Variants in CHST2 observed in about 807,000 individuals in gnomAD.
CHST2 encodes N-acetylglucosamine 6-O-sulfotransferase 1.
A neutral mutation model predicts 34.6 loss-of-function variants in CHST2; 23 were observed. That is an observed-to-expected ratio of 0.67 (90% CI 0.48 to 0.94). The LOEUF (loss-of-function observed/expected upper bound fraction) is 0.94. Among genes scored for constraint, CHST2 ranks in the 40% least tolerant of loss-of-function variants. The pLI, the probability that CHST2 is intolerant of heterozygous loss-of-function variation, is 0.00. For missense variants in CHST2, 720 were observed against 759.5 expected (o/e 0.95, Z 0.61); for synonymous variants, 392 against 343.1 (o/e 1.14, Z -1.58).
rs1936202362 is a variant in CHST2, at chr3:143,120,939, G to T, written c.123G>T (p.Trp41Cys). The change falls in exon 2 of 2, where the codon TGG becomes TGT. Residue 41 changes from tryptophan to cysteine, a missense_variant. Around this residue, in one of 4 missense-constraint regions of CHST2, gnomAD observed 287 missense variants for 242.7 expected, o/e 1.18. Coordinates refer to ENST00000309575, the MANE Select transcript of CHST2 (RefSeq NM_004267.5). This position sits in a 1 kb window ranked among gnomAD's most constrained non-coding sequence, Gnocchi z 4.1. ...GGCCCCGGCGCCCAGGACGCCGCTG[G>T]CCCGCGTCCCCTCTCGGAATGAAGG... ...PQWPRRPGRR[W>C]PASPLGMKVF... 12 of 1,530,986 alleles carry T rather than the reference G, an allele frequency of 7.8e-6. 1 individual carries two copies. Among genetic ancestry groups the T allele is most frequent in the South Asian group, 7.3e-5 (6 of 81,650 alleles). 94.8% of individuals were successfully genotyped at this position (1,530,986 alleles called of 1,614,324 possible). A position where few individuals can be genotyped will look rare whatever the true frequency, so the allele number is the denominator to read the frequency against.
Position 143,121,018 on chromosome 3 carries a change from C to G in CHST2, c.202C>G (p.Leu68Val). ...LCAGYALLLVLTMLNLLDYKW... is the reference protein window; with the variant it reads ...LCAGYALLLVVTMLNLLDYKW... ...CGCGGGCTATGCACTGCTGCTGGTG[C>G]TCACTATGCTCAACCTCCTGGACTA... Residue 68 changes from leucine to valine, a missense_variant, in exon 2 of 2, where the codon CTC becomes GTC. Physicochemically the swap from Leu to Val is conservative, Grantham distance 32 (BLOSUM62 1). Coordinates refer to ENST00000309575, the MANE Select transcript of CHST2 (RefSeq NM_004267.5). 1.3e-6 allele frequency: 2 copies of G among 1,536,842 alleles called. No homozygotes were observed. Among genetic ancestry groups the G allele is most frequent in the Non-Finnish European group, 8.8e-7 (1 of 1,142,318 alleles).
Position 143,122,486 on chromosome 3 carries a change from C to A in CHST2, c.*77C>A. ...CGTAGTGTGTTTAAATAAACACAGTCCAGACTCAAACGGAGGAAGCCCACA... is the reference window on the plus strand; with the variant it reads ...CGTAGTGTGTTTAAATAAACACAGTACAGACTCAAACGGAGGAAGCCCACA... On this transcript the variant is annotated 3_prime_UTR_variant, in exon 2 of 2. Coordinates refer to ENST00000309575, the MANE Select transcript of CHST2 (RefSeq NM_004267.5). The A allele has an allele frequency of 2.2e-6, 3 of 1,372,332 alleles. No individual in the cohort carries two copies. Among genetic ancestry groups the A allele is most frequent in the Non-Finnish European group, 2.9e-6 (3 of 1,029,192 alleles). 85.0% of individuals were successfully genotyped at this position (1,372,332 alleles called of 1,614,324 possible). A position where few individuals can be genotyped will look rare whatever the true frequency, so the allele number is the denominator to read the frequency against.
Position 143,122,497 on chromosome 3 carries a change from C to T in CHST2, c.*88C>T. 7.7e-7 allele frequency: 1 copy of T among 1,293,754 alleles called. No individual in the cohort carries two copies. The highest frequency in any genetic ancestry group is 1.0e-6 in the Non-Finnish European group (1 of 960,750). The allele number at this position is 1,293,754 out of a possible 1,614,324, so 80.1% of individuals were successfully genotyped here. A position where few individuals can be genotyped will look rare whatever the true frequency, so the allele number is the denominator to read the frequency against. On this transcript the variant is annotated 3_prime_UTR_variant, in exon 2 of 2. Transcript: ENST00000309575. Reference sequence around the variant, plus strand: ...TAAATAAACACAGTCCAGACTCAAACGGAGGAAGCCCACATATTCTATTAT... The same window carrying T: ...TAAATAAACACAGTCCAGACTCAAATGGAGGAAGCCCACATATTCTATTAT...
In CHST2 at chr3:143,120,803, G is replaced by A; in HGVS notation, c.-14G>A. ...GCTGCCTCCGCCGCGCCGCCGGCCC[G>A]GATTGTGCCTGTGATGAGCCGCAGC... On this transcript the variant is annotated 5_prime_UTR_variant, in exon 2 of 2. Transcript: ENST00000309575. The surrounding 1 kb of genome is among the most constrained non-coding windows in gnomAD (Gnocchi z 4.1). 1 of 1,243,250 alleles carries A rather than the reference G, an allele frequency of 8.0e-7. No individual in the cohort carries two copies. The highest frequency in any genetic ancestry group is 1.6e-5 in the African/African-American group (1 of 63,422). 77.0% of individuals were successfully genotyped at this position (1,243,250 alleles called of 1,614,324 possible).
In CHST2 at chr3:143,120,630, G is replaced by T. The variant is rs969307535; in HGVS notation, c.-173-14G>T. On this transcript the variant is annotated splice_polypyrimidine_tract_variant and intron_variant, in intron 1 of 1. Coordinates refer to ENST00000309575, the MANE Select transcript of CHST2 (RefSeq NM_004267.5). This position sits in a 1 kb window ranked among gnomAD's most constrained non-coding sequence, Gnocchi z 4.1. ...AGATTGGGGCGCATCCGCTCACTCC[G>T]CTTCCCCTCGCAGGTCCTACCCGGA... 8.0e-6 allele frequency: 3 copies of T among 373,582 alleles called. No homozygotes were observed. The highest frequency in any genetic ancestry group is 8.7e-6 in the Non-Finnish European group (2 of 228,830). 23.1% of individuals were successfully genotyped at this position (373,582 alleles called of 1,614,324 possible).
In CHST2 at chr3:143,120,677, G is replaced by C. The variant is rs1936196582; in HGVS notation, c.-140G>C. The C allele has an allele frequency of 1.3e-6, 1 of 771,080 alleles. No individual in the cohort carries two copies. The highest frequency in any genetic ancestry group is 1.7e-6 in the Non-Finnish European group (1 of 588,416). The allele number at this position is 771,080 out of a possible 1,614,324, so 47.8% of individuals were successfully genotyped here. A position where few individuals can be genotyped will look rare whatever the true frequency, so the allele number is the denominator to read the frequency against. ...CGGAGCCGCTGCCATGGGAGAGCCA[G>C]CCTTGGGCGCTGGGGACCAGCCGCC... On this transcript the variant is annotated 5_prime_UTR_variant, in exon 2 of 2. Coordinates refer to ENST00000309575, the MANE Select transcript of CHST2 (RefSeq NM_004267.5). The surrounding 1 kb of genome is among the most constrained non-coding windows in gnomAD (Gnocchi z 4.1).
chr3:143,121,130 G>A lies in CHST2; in HGVS notation c.314G>A (p.Arg105His). 6.8e-7 allele frequency: 1 copy of A among 1,463,398 alleles called. No individual in the cohort carries two copies. Among genetic ancestry groups the A allele is most frequent in the Non-Finnish European group, 8.9e-7 (1 of 1,117,860 alleles). 90.7% of individuals were successfully genotyped at this position (1,463,398 alleles called of 1,614,324 possible). Residue 105 changes from arginine to histidine, a missense_variant, in exon 2 of 2, where the codon CGC (arginine) becomes CAC (histidine). Transcript: ENST00000309575. ...AAGAAGGSWG[R>H]PGPPPAGPPR... is the part of the protein sequence containing the mutation. ...GGGGCAGCCGGAGGCAGCTGGGGGCGCCCAGGGCCGCCTCCGGCCGGGCCG... is the reference window on the plus strand; with the variant it reads ...GGGGCAGCCGGAGGCAGCTGGGGGCACCCAGGGCCGCCTCCGGCCGGGCCG...
rs1936201422 is a variant in CHST2 at position 143,120,914 on chromosome 3, G to A, written c.98G>A (p.Trp33Ter). ...GCGCCGCGTGCCCTGCTCCCGCAGTGGCCCCGGCGCCCAGGACGCCGCTGG... is the reference window on the plus strand; with the variant it reads ...GCGCCGCGTGCCCTGCTCCCGCAGTAGCCCCGGCGCCCAGGACGCCGCTGG... ...AAAPRALLPQ[W>*]PRRPGRRWPA... The change falls in exon 2 of 2, where the codon TGG (tryptophan) becomes TAG (stop). Residue 33 changes from tryptophan to a stop codon, truncating the protein, a stop_gained. Transcript: ENST00000309575. LOFTEE classifies it high-confidence loss of function. The surrounding 1 kb of genome is among the most constrained non-coding windows in gnomAD (Gnocchi z 4.1). The A allele has an allele frequency of 6.6e-7, 1 of 1,509,216 alleles. No individual in the cohort carries two copies. The highest frequency in any genetic ancestry group is 8.8e-7 in the Non-Finnish European group (1 of 1,129,954). 93.5% of individuals were successfully genotyped at this position (1,509,216 alleles called of 1,614,324 possible).
At position 143,121,976 on chromosome 3, in the gene CHST2, C is replaced by T; in HGVS notation, c.1160C>T (p.Ala387Val). 1 of 1,593,458 alleles carries T rather than the reference C, an allele frequency of 6.3e-7. No homozygotes were observed. The highest frequency in any genetic ancestry group is 1.1e-5 in the South Asian group (1 of 88,796). ...AAGAAGGAGGGCGTGGGCGGCCCCG[C>T]AGACTACCACGCTCTGGGCGCTATG... The part of the protein sequence containing the change: ...GAKKEGVGGP[A>V]DYHALGAMEV... Residue 387 changes from alanine (A) to valine (V), a missense_variant, in exon 2 of 2, where the codon GCA (alanine) becomes GTA (valine). By Grantham distance (64) the Ala-to-Val change is moderately conservative (BLOSUM62 0). Coordinates refer to ENST00000309575, the MANE Select transcript of CHST2 (RefSeq NM_004267.5).
chr3:143,120,770 G>T lies in CHST2; in HGVS notation c.-47G>T. On this transcript the variant is annotated 5_prime_UTR_variant, in exon 2 of 2. Coordinates refer to ENST00000309575, the MANE Select transcript of CHST2 (RefSeq NM_004267.5). The surrounding 1 kb of genome is among the most constrained non-coding windows in gnomAD (Gnocchi z 4.1). ...CCAGCCCGCTGCGTCCCCTTCCCGG[G>T]CTGCAGGGCTGCCTCCGCCGCGCCG... 3 of 1,208,308 alleles carry T rather than the reference G, an allele frequency of 2.5e-6. No individual in the cohort carries two copies. The highest frequency in any genetic ancestry group is 3.1e-6 in the Non-Finnish European group (3 of 974,334). 74.8% of individuals were successfully genotyped at this position (1,208,308 alleles called of 1,614,324 possible).
rs1294808425 is a variant in CHST2 at position 143,123,896 on chromosome 3, A to G, written c.*1487A>G. 6.6e-6 allele frequency: 1 copy of G among 152,222 alleles called. No homozygotes were observed. Among genetic ancestry groups the G allele is most frequent in the East Asian group, 1.9e-4 (1 of 5,204 alleles). 9.4% of individuals were successfully genotyped at this position (152,222 alleles called of 1,614,324 possible). On this transcript the variant is annotated 3_prime_UTR_variant, in exon 2 of 2. Coordinates refer to ENST00000309575, the MANE Select transcript of CHST2 (RefSeq NM_004267.5). The stretch of plus-strand genomic sequence containing the variant: ...GGTTATGATGTTGTGTCCTGAACCC[A>G]TTTGGTACTGAAACATTCTGCAGAA...
chr3:143,121,194 C>G lies in CHST2; in HGVS notation c.378C>G (p.Tyr126Ter), dbSNP rs745840203. 1 of 1,552,194 alleles carries G rather than the reference C, an allele frequency of 6.4e-7. No homozygotes were observed. Among genetic ancestry groups the G allele is most frequent in the Non-Finnish European group, 8.7e-7 (1 of 1,154,458 alleles). The change falls in exon 2 of 2, where the codon TAC becomes TAG. Residue 126 changes from tyrosine to a stop codon, truncating the protein, a stop_gained. Coordinates refer to ENST00000309575, the MANE Select transcript of CHST2 (RefSeq NM_004267.5). LOFTEE classifies it high-confidence loss of function. ...AHARLDLRTP[Y>*]RPPAAAVGAA... The stretch of plus-strand genomic sequence containing the variant: ...CCCGTTTGGACCTCCGCACTCCTTA[C>G]CGCCCTCCCGCTGCCGCCGTCGGGG...
Position 143,122,151 on chromosome 3 carries a change from G to C in CHST2, c.1335G>C (p.Leu445=). 6.2e-7 allele frequency: 1 copy of C among 1,614,228 alleles called. No homozygotes were observed. Among genetic ancestry groups the C allele is most frequent in the African/African-American group, 1.3e-5 (1 of 75,060 alleles). The stretch of plus-strand genomic sequence containing the variant: ...GGAGAGTGTACGATTTTGTGGGACT[G>C]TTGGTGAGCCCCGAAATGGAGCAGT... ...TLRRVYDFVG[L]LVSPEMEQFA... is the part of the protein sequence containing the mutation. The change falls in exon 2 of 2, where the codon CTG becomes CTC. Residue 445 remains leucine (L), a synonymous_variant. Coordinates refer to ENST00000309575, the MANE Select transcript of CHST2 (RefSeq NM_004267.5).
rs776799310 is a variant in CHST2 at position 143,122,328 on chromosome 3, C to T, written c.1512C>T (p.Ala504=). 3 of 1,614,028 alleles carry T rather than the reference C, an allele frequency of 1.9e-6. No individual in the cohort carries two copies. Among genetic ancestry groups the T allele is most frequent in the African/African-American group, 1.3e-5 (1 of 75,048 alleles). ...AGGAGTTTTGCTACCAGCCCATGGC[C>T]GTCCTGGGCTATGAGCGGGTCAACA... is the stretch of plus-strand genomic sequence containing the variant. The part of the protein sequence containing the change: ...QVEEFCYQPM[A]VLGYERVNSP... The change falls in exon 2 of 2, where the codon GCC becomes GCT. Residue 504 remains alanine, a synonymous_variant. Transcript: ENST00000309575.
In CHST2 at chr3:143,123,289, A is replaced by G. The variant is rs940479359; in HGVS notation, c.*880A>G. ...AGCAACTCCTTCAGGACTTGAAGGC[A>G]TTTGGTTTTTCATTCCTCTTCAGTT... is the stretch of plus-strand genomic sequence containing the variant. On this transcript the variant is annotated 3_prime_UTR_variant, in exon 2 of 2. Transcript: ENST00000309575. The G allele has an allele frequency of 3.2e-4, 48 of 152,320 alleles. No homozygotes were observed. Among genetic ancestry groups the G allele is most frequent in the African/African-American group, 1.2e-3 (48 of 41,576 alleles). The allele number at this position is 152,320 out of a possible 1,614,324, so 9.4% of individuals were successfully genotyped here. A position where few individuals can be genotyped will look rare whatever the true frequency, so the allele number is the denominator to read the frequency against.
In CHST2 at chr3:143,121,213, G is replaced by T; in HGVS notation, c.397G>T (p.Val133Phe). The change falls in exon 2 of 2, where the codon GTC becomes TTC. Residue 133 changes from valine (V) to phenylalanine (F), a missense_variant. This residue lies in a region of CHST2 where 287 missense variants were observed against 242.7 expected (regional missense o/e 1.18). Transcript: ENST00000309575. The stretch of plus-strand genomic sequence containing the variant: ...TCCTTACCGCCCTCCCGCTGCCGCC[G>T]TCGGGGCGGCTCCTGCAGCCGCGGC... ...RTPYRPPAAA[V>F]GAAPAAAAGM... 2 of 1,569,096 alleles carry T rather than the reference G, an allele frequency of 1.3e-6. No homozygotes were observed. Among genetic ancestry groups the T allele is most frequent in the Non-Finnish European group, 1.7e-6 (2 of 1,162,038 alleles).
In CHST2 at chr3:143,120,831, G is replaced by T. The variant is rs951444101; in HGVS notation, c.15G>T (p.Pro5=). 3 of 1,314,840 alleles carry T rather than the reference G, an allele frequency of 2.3e-6. No homozygotes were observed. In the African/African-American group the frequency reaches 4.7e-5, roughly 21 times the overall value. 81.4% of individuals were successfully genotyped at this position (1,314,840 alleles called of 1,614,324 possible). Residue 5 remains proline, a synonymous_variant, in exon 2 of 2, where the codon CCG becomes CCT. Coordinates refer to ENST00000309575, the MANE Select transcript of CHST2 (RefSeq NM_004267.5). The surrounding 1 kb of genome is among the most constrained non-coding windows in gnomAD (Gnocchi z 4.1). MSRS[P]QRALPPGALP... is the part of the protein sequence containing the mutation. ...TTGTGCCTGTGATGAGCCGCAGCCC[G>T]CAGCGAGCTCTGCCCCCGGGCGCGC...
Position 143,121,765 on chromosome 3 carries a change from C to T in CHST2, c.949C>T (p.Leu317=), listed in dbSNP as rs780398418. The T allele has an allele frequency of 4.0e-5, 65 of 1,606,338 alleles. No homozygotes were observed. Among genetic ancestry groups the T allele is most frequent in the Non-Finnish European group, 5.2e-5 (61 of 1,176,468 alleles). The change falls in exon 2 of 2, where the codon CTG becomes TTG. Residue 317 remains leucine (L), a synonymous_variant. Coordinates refer to ENST00000309575, the MANE Select transcript of CHST2 (RefSeq NM_004267.5). ...RVFDVAVLAP[L]LRDPALDLKV... is the part of the protein sequence containing the mutation. ...CTTCGACGTGGCGGTCTTGGCGCCA[C>T]TGCTGCGAGACCCGGCCCTGGACCT...
Position 143,121,136 on chromosome 3 carries a change from G to T in CHST2, c.320G>T (p.Gly107Val). The T allele has an allele frequency of 6.9e-7, 1 of 1,453,644 alleles. No individual in the cohort carries two copies. The highest frequency in any genetic ancestry group is 2.8e-5 in the East Asian group (1 of 35,914). 90.0% of individuals were successfully genotyped at this position (1,453,644 alleles called of 1,614,324 possible). Residue 107 changes from glycine to valine, a missense_variant, in exon 2 of 2, where the codon GGG becomes GTG. Around this residue, in one of 4 missense-constraint regions of CHST2, gnomAD observed 287 missense variants for 242.7 expected, o/e 1.18. Coordinates refer to ENST00000309575, the MANE Select transcript of CHST2 (RefSeq NM_004267.5). Reference protein sequence around the residue: ...GAAGGSWGRPGPPPAGPPRAH... With the variant: ...GAAGGSWGRPVPPPAGPPRAH... Reference sequence around the variant, plus strand: ...GCCGGAGGCAGCTGGGGGCGCCCAGGGCCGCCTCCGGCCGGGCCGCCCCGT... The same window carrying T: ...GCCGGAGGCAGCTGGGGGCGCCCAGTGCCGCCTCCGGCCGGGCCGCCCCGT...
Sources: gnomAD v4.1 joint callset for allele counts on GRCh38, gnomAD v4.1.1 for gene constraint, gnomAD v4.1.1 regional missense constraint, Gnocchi (gnomAD v3.1) non-coding constraint, MANE v1.5 for transcripts, NCBI Gene and HGNC (gene_info 2026-07-23, HGNC 2026-07-21) for gene names.